The following TG variants were observed in gnomAD, a reference collection of about 807,000 sequenced individuals.
TG encodes thyroid hormones.
Under a neutral mutation model 324.7 loss-of-function variants are expected in TG, and 270 were observed. The observed-to-expected ratio is 0.83, with a 90% CI of 0.75 to 0.92. The LOEUF is 0.92. Among genes scored for constraint, TG ranks in the 40% least tolerant of loss-of-function variants. The probability of loss-of-function intolerance (pLI) is 0.00; values close to 1 mark genes in which losing one functional copy is unlikely to be tolerated. For synonymous variants in TG, 1,401 were observed against 1,327.0 expected (o/e 1.06, Z -1.21); for missense variants, 3,591 against 3,456.4 (o/e 1.04, Z -0.98).
chr8:132,955,526 G>A (rs868508), intron 27 of TG, among the ~76,000 whole-genome samples: 73,213 of 152,070 alleles, frequency 0.48, 20,402 homozygotes, highest in Non-Finnish European at 0.61. Context: ...ATCTCTTCCT[G>A]CCAGCATAGG....
chr8:132,903,683 G>A (rs963068330), intron 16 of TG, among the ~76,000 whole-genome samples: 15 of 152,130 alleles, frequency 9.9e-5, no homozygotes, highest in African/African-American at 2.2e-4. Flanking sequence ...GGAGGATGGC[G>A]TTAACATGAG....
At chr8:132,975,030 A>G (rs1007756115) in intron 34 of TG, among the ~76,000 whole-genome samples, 2 of 152,236 alleles carry the variant, frequency 1.3e-5, no homozygotes, top group African/African-American at 4.8e-5. Flanking sequence ...GGATTGTATA[A>G]TGAAATATCC....
At chr8:132,892,573 A>G (rs563869798) in intron 10 of TG, among the ~76,000 whole-genome samples, 1 of 152,334 alleles carries the variant, frequency 6.6e-6, no homozygotes, top group African/African-American at 2.4e-5. Flanking sequence ...CAAAACAAGG[A>G]ACATTCCAGG....
chr8:132,900,109 A>G (rs1049316365), intron 14 of TG, 128 bp from the exon 15 acceptor site: 10 of 761,834 alleles, frequency 1.3e-5, no homozygotes, highest in Non-Finnish European at 2.0e-5. Context: ...CCCCACCTCC[A>G]CATCTCTCCG....
chr8:133,014,515 C>G (rs943373723), intron 37 of TG, among the ~76,000 whole-genome samples: 1 of 152,218 alleles, frequency 6.6e-6, no homozygotes, highest in African/African-American at 2.4e-5. Context: ...CATCTGCCAT[C>G]TTGTCTTCTA....
At chr8:132,899,091 T>G (rs909710588) in intron 14 of TG, 181 bp downstream of exon 14, 3 of 658,598 alleles carry the variant, frequency 4.6e-6, no homozygotes, top group Non-Finnish European at 8.3e-6. Context: ...TTACCTTTTC[T>G]GTGTCCCAGT....
At chr8:133,068,384 A>T (rs1456908331) in intron 41 of TG, among the ~76,000 whole-genome samples, 1 of 152,200 alleles carries the variant, frequency 6.6e-6, no homozygotes, top group Non-Finnish European at 1.5e-5. Context: ...TTATGCTAAG[A>T]CCAGAAGGGG....
intron 40 of TG, among the ~76,000 whole-genome samples, chr8:133,028,106 T>C (rs1199147206): frequency 6.6e-6 from 1 of 152,106 alleles, no homozygotes; most frequent in Non-Finnish European, 1.5e-5. Flanking sequence ...TTTTGTGTAG[T>C]GGGGAAAAAG....
chr8:132,935,997 T>C, intron 25 of TG, 133 bp downstream of exon 25: 1 of 724,122 alleles, frequency 1.4e-6, no homozygotes, highest in South Asian at 1.5e-5. Flanking sequence ...CAGTCTGGCT[T>C]CTCTGAGCTC....
At chr8:132,916,446 A>G (rs897726810) in intron 20 of TG, among the ~76,000 whole-genome samples, 3 of 152,140 alleles carry the variant, frequency 2.0e-5, no homozygotes, top group African/African-American at 7.2e-5. Flanking sequence ...TTTTGTATCT[A>G]TTCTTATTGG....
rs146108520 is a variant in TG, at chr8:132,982,074, C to A, written c.6200-1276C>A. ...TTAAAGGGCAGTATTAAGAGTGAATCATACACAGGATGTATTGAACGTTTA... is the reference window on the plus strand; with the variant it reads ...TTAAAGGGCAGTATTAAGAGTGAATAATACACAGGATGTATTGAACGTTTA... On this transcript the variant is annotated intron_variant, in intron 34 of 47. Coordinates refer to ENST00000220616, the MANE Select transcript of TG (RefSeq NM_003235.5). Among the ~76,000 whole-genome samples, 368 of 152,282 alleles carry A rather than the reference C, an allele frequency of 2.4e-3. 1 individual carries two copies. Among genetic ancestry groups the A allele is most frequent in the African/African-American group, 8.5e-3 (352 of 41,552 alleles).
At chr8:132,999,695 T>G (rs1284727497) in intron 35 of TG, among the ~76,000 whole-genome samples, 1 of 152,210 alleles carries the variant, frequency 6.6e-6, no homozygotes, top group Non-Finnish European at 1.5e-5. Context: ...TAGAAGAATA[T>G]GCAGCAGAGA....
intron 35 of TG, among the ~76,000 whole-genome samples, chr8:133,006,237 G>A (rs895145595): frequency 3.9e-5 from 6 of 152,224 alleles, no homozygotes; most frequent in Non-Finnish European, 8.8e-5. Context: ...ACTAGCCTAA[G>A]CTGTGTCTCC....
intron 34 of TG, among the ~76,000 whole-genome samples, chr8:132,976,143 A>G (rs1709341951): frequency 6.6e-6 from 1 of 152,180 alleles, no homozygotes; most frequent in Admixed American, 6.5e-5. Flanking sequence ...GGAGAAAGAA[A>G]TTGTGCTTGG....
chr8:133,075,387 A>G (rs1844707849), intron 41 of TG, among the ~76,000 whole-genome samples: 1 of 152,164 alleles, frequency 6.6e-6, no homozygotes, highest in Admixed American at 6.5e-5. Context: ...TGGACCCCAG[A>G]GCAATGCTTT....
At chr8:132,976,411 C>T (rs1156878947) in intron 34 of TG, among the ~76,000 whole-genome samples, 8 of 152,220 alleles carry the variant, frequency 5.3e-5, no homozygotes, top group Non-Finnish European at 1.0e-4. Context: ...AAAGGTTTCA[C>T]CTCTCATTAC....
intron 41 of TG, among the ~76,000 whole-genome samples, chr8:133,093,104 A>AGT (rs150326755): frequency 0.2 from 29,393 of 144,272 alleles, 3,259 homozygotes; most frequent in Non-Finnish European, 0.26. Flanking sequence ...GAATATTTTG[A>AGT]GTGTGTGTGT....
chr8:132,941,528 C>A lies in TG; in HGVS notation c.5219C>A (p.Thr1740Lys), dbSNP rs16904791. 2,194 of 1,614,168 alleles carry A rather than the reference C, an allele frequency of 1.4e-3. 18 individuals carry two copies. The African/African-American group carries it at 0.026, about 19-fold the overall frequency. ...CTGTGTTGCGATGGCTTCGTCCTCA[C>A]ACAGGTTCAAGGAGGTAATGTTGGC... ...RDLCCDGFVL[T>K]QVQGGAIICG... The change falls in exon 26 of 48, where the codon ACA (threonine) becomes AAA (lysine). Residue 1740 changes from threonine (T) to lysine (K), a missense_variant. Transcript: ENST00000220616.
chr8:132,879,921 T>C (rs1814413483), intron 5 of TG, among the ~76,000 whole-genome samples: 2 of 152,246 alleles, frequency 1.3e-5, no homozygotes, highest in Non-Finnish European at 1.5e-5. Flanking sequence ...GAGGTGGGTC[T>C]CTGGGTTGAA....
Sources: allele counts gnomAD v4.1 joint callset (sites outside exome capture counted in the v4.1 genomes callset), GRCh38; gene constraint gnomAD v4.1.1; transcripts MANE v1.5; gene names NCBI Gene and HGNC (gene_info 2026-07-23, HGNC 2026-07-21).